PKHD1: variants seen among roughly 807,000 people sequenced by gnomAD.
PKHD1 encodes the protein PKHD1 ciliary IPT domain containing fibrocystin/polyductin.
PKHD1 carries 291 observed loss-of-function variants against 412.0 expected under a neutral mutation model. The ratio of observed to expected loss-of-function variants is 0.71; its 90% confidence interval spans 0.64 to 0.78. The LOEUF (loss-of-function observed/expected upper bound fraction) is 0.78. Ranked by LOEUF, PKHD1 falls within the 30% of genes least tolerant of loss-of-function variation. The pLI, the probability that PKHD1 is intolerant of heterozygous loss-of-function variation, is 0.00. For missense variants in PKHD1, 4,825 were observed against 4,950.7 expected, an observed-to-expected ratio of 0.97 and a Z score of 0.76; for synonymous variants, 1,777 against 1,821.5, an observed-to-expected ratio of 0.98 and a Z score of 0.62.
At chr6:51,954,259 A>G (rs1013137513) in intron 36 of PKHD1, among the ~76,000 whole-genome samples, 3 of 152,116 alleles carry the variant, frequency 2.0e-5, no homozygotes, top group Non-Finnish European at 4.4e-5. Flanking sequence ...TGATATTGCC[A>G]TGCAACAATG....
intron 60 of PKHD1, among the ~76,000 whole-genome samples, chr6:51,681,652 G>A (rs1776679457): frequency 6.6e-6 from 1 of 151,920 alleles, no homozygotes; most frequent in African/African-American, 2.4e-5. Flanking sequence ...TCATTAACTA[G>A]TCATTAACCA....
rs946856032 is a variant in PKHD1 at position 51,750,952 on chromosome 6, T to C, written c.8950+2249A>G. Among the ~76,000 whole-genome samples, 3 of 152,106 alleles carry C rather than the reference T, an allele frequency of 2.0e-5. No homozygotes were observed. In the South Asian group the frequency reaches 6.3e-4, roughly 32 times the overall value. On this transcript the variant is annotated intron_variant, in intron 57 of 66. Transcript: ENST00000371117. ...CCACCATGCTTGGCTAATTTTTATA[T>C]TTTTAGTAGAGGCAGGGTTTCACCA... is the stretch of plus-strand genomic sequence containing the variant.
chr6:51,804,497 C>T (rs892260078), intron 52 of PKHD1, among the ~76,000 whole-genome samples: 8 of 146,740 alleles, frequency 5.5e-5, no homozygotes, highest in African/African-American at 2.2e-4. Flanking sequence ...AGTACTTGCT[C>T]TATACCTGTC....
intron 48 of PKHD1, among the ~76,000 whole-genome samples, chr6:51,864,690 TAAAC>T (rs561548979): frequency 1.2e-4 from 19 of 152,302 alleles, no homozygotes; most frequent in Admixed American, 4.6e-4. Flanking sequence ...AAGCTCAAAA[TAAAC>T]AAGTTAAATT....
At chr6:51,726,512 A>C (rs904674618) in intron 60 of PKHD1, among the ~76,000 whole-genome samples, 6 of 152,302 alleles carry the variant, frequency 3.9e-5, no homozygotes, top group African/African-American at 1.4e-4. Context: ...ATCTCTTGGT[A>C]TACCCCACAT....
intron 63 of PKHD1, among the ~76,000 whole-genome samples, chr6:51,645,225 A>G (rs987895980): frequency 2.0e-5 from 3 of 152,208 alleles, no homozygotes; most frequent in Non-Finnish European, 4.4e-5. Context: ...AATTTGCAAA[A>G]GTTAACAAGA....
intron 65 of PKHD1, among the ~76,000 whole-genome samples, chr6:51,632,210 C>T (rs370052286): frequency 2.0e-5 from 3 of 152,028 alleles, no homozygotes; most frequent in African/African-American, 7.3e-5. Flanking sequence ...TCCCAAAGTG[C>T]TGGTTTCCCC....
intron 64 of PKHD1, among the ~76,000 whole-genome samples, chr6:51,634,387 C>T (rs1211900423): frequency 1.3e-5 from 2 of 152,228 alleles, no homozygotes; most frequent in East Asian, 1.9e-4. Context: ...CAAGTAATTG[C>T]TTTTTATGGG....
At chr6:51,895,157 A>C (rs1287946938) in intron 43 of PKHD1, among the ~76,000 whole-genome samples, 2 of 152,248 alleles carry the variant, frequency 1.3e-5, no homozygotes, top group African/African-American at 2.4e-5. Context: ...TACAGGACAC[A>C]ATTAACACTA....
At chr6:51,630,427 A>G (rs558702957) in intron 65 of PKHD1, among the ~76,000 whole-genome samples, 1 of 152,304 alleles carries the variant, frequency 6.6e-6, no homozygotes, top group African/African-American at 2.4e-5. Context: ...TTTTCACTAC[A>G]TATTTTTTGA....
At chr6:51,897,519 A>C (rs1780300591) in intron 43 of PKHD1, among the ~76,000 whole-genome samples, 1 of 147,856 alleles carries the variant, frequency 6.8e-6, no homozygotes, top group African/African-American at 2.5e-5. Flanking sequence ...GGAAGCACTA[A>C]ACATGGAATG....
chr6:52,056,719 G>A lies in PKHD1; in HGVS notation c.1672C>T (p.Leu558Phe), dbSNP rs747300669. The A allele has an allele frequency of 6.2e-7, 1 of 1,613,268 alleles. No individual in the cohort carries two copies. Among genetic ancestry groups the A allele is most frequent in the Non-Finnish European group, 8.5e-7 (1 of 1,179,214 alleles). ...KLEPLWSNIL[L>F]RLGFERGPEV... ...GCACCTCGTTCAAATCCAAGCCGGA[G>A]AAGGATGTTAGACCAAAGGGGTTCC... The change falls in exon 18 of 67, where the codon CTC (leucine) becomes TTC (phenylalanine). Residue 558 changes from leucine (L) to phenylalanine (F), a missense_variant. Transcript: ENST00000371117.
rs114473619 is a variant in PKHD1, at chr6:51,678,021, G to A, written c.10157-18052C>T. On this transcript the variant is annotated intron_variant, in intron 60 of 66. Coordinates refer to ENST00000371117, the MANE Select transcript of PKHD1 (RefSeq NM_138694.4). ...GTTTTTGTATTTTCGTTATTTTGTT[G>A]TAATATGTTTTCACCTGAAAACATC... is the stretch of plus-strand genomic sequence containing the variant. 6.4e-3 allele frequency among the ~76,000 whole-genome samples: 972 copies of A among 152,176 alleles called. 11 individuals are homozygous for A. The highest frequency in any genetic ancestry group is 0.022 in the African/African-American group (909 of 41,518).
intron 15 of PKHD1, among the ~76,000 whole-genome samples, chr6:52,058,914 T>C (rs1808235095): frequency 6.6e-6 from 1 of 152,190 alleles, no homozygotes; most frequent in Admixed American, 6.5e-5. Context: ...GAAGGTAGTA[T>C]TAAGCCCTTC....
chr6:52,016,463 CTG>C (rs1482561845), intron 34 of PKHD1, among the ~76,000 whole-genome samples: 1 of 151,988 alleles, frequency 6.6e-6, no homozygotes, highest in African/African-American at 2.4e-5. Context: ...TGATGAAACC[CTG>C]TCTTTACTAA....
chr6:51,623,022 A>G (rs960539201), intron 66 of PKHD1: 1 of 152,122 alleles, frequency 6.6e-6, no homozygotes, highest in Non-Finnish European at 1.5e-5. Context: ...ACATTATCTT[A>G]AGAATAGTGA....
intron 52 of PKHD1, among the ~76,000 whole-genome samples, chr6:51,826,959 T>C (rs2151487982): frequency 6.6e-6 from 1 of 152,292 alleles, no homozygotes; most frequent in South Asian, 2.1e-4. Flanking sequence ...TGAAAAATTA[T>C]GCTATTCTAT....
intron 65 of PKHD1, among the ~76,000 whole-genome samples, chr6:51,629,344 AAG>A (rs1483235100): frequency 6.6e-6 from 1 of 152,138 alleles, no homozygotes; most frequent in Non-Finnish European, 1.5e-5. Context: ...CAGAATCTAT[AAG>A]AACTTAAATC....
chr6:51,789,118 G>A (rs1352460835), intron 53 of PKHD1, among the ~76,000 whole-genome samples: 1 of 152,164 alleles, frequency 6.6e-6, no homozygotes, highest in Non-Finnish European at 1.5e-5. Flanking sequence ...AAACAAAGTT[G>A]TGTTTAGAGG....
Sources: allele counts gnomAD v4.1 joint callset (sites outside exome capture counted in the v4.1 genomes callset), GRCh38; gene constraint gnomAD v4.1.1; transcripts MANE v1.5; gene names NCBI Gene and HGNC (gene_info 2026-07-23, HGNC 2026-07-21).